Variants in RNF139 observed in about 807,000 individuals in gnomAD.
The protein encoded by RNF139 is E3 ubiquitin-protein ligase RNF139.
In RNF139, 15 loss-of-function variants were observed where a neutral mutation model predicts 49.5. The observed-to-expected ratio is 0.30, with a 90% confidence interval of 0.20 to 0.47. RNF139 has a LOEUF of 0.47. Among genes scored for constraint, RNF139 ranks in the 20% least tolerant of loss-of-function variants. The pLI, the probability that RNF139 is intolerant of heterozygous loss-of-function variation, is 1.00. For missense variants in RNF139, 619 were observed against 806.3 expected (o/e 0.77, Z 2.81); for synonymous variants, 325 against 300.9 (o/e 1.08, Z -0.83).
intron 1 of RNF139, among the ~76,000 whole-genome samples, chr8:124,480,775 G>A (rs1816394432): frequency 6.6e-6 from 1 of 152,066 alleles, no homozygotes; most frequent in Non-Finnish European, 1.5e-5. Context: ...TGATTCCCCT[G>A]GCTACCTAGC....
At chr8:124,485,753 G>A in intron 1 of RNF139, 78 bp from the exon 2 acceptor site, 1 of 1,190,160 alleles carries the variant, frequency 8.4e-7, no homozygotes, top group Non-Finnish European at 1.2e-6. Context: ...CTAATTAAAG[G>A]AAGAATATCA....
Position 124,475,272 on chromosome 8 carries a change from A to T in RNF139, c.163A>T (p.Ile55Phe). 6.2e-7 allele frequency: 1 copy of T among 1,612,998 alleles called. No individual in the cohort carries two copies. The highest frequency in any genetic ancestry group is 1.1e-5 in the South Asian group (1 of 91,012). The change falls in exon 1 of 2, where the codon ATC (isoleucine) becomes TTC (phenylalanine). Residue 55 changes from isoleucine (I) to phenylalanine (F), a missense_variant. Physicochemically the swap from Ile to Phe is conservative, Grantham distance 21. This residue lies in a region of RNF139 where 89 missense variants were observed against 77.5 expected (regional missense o/e 1.15). Transcript: ENST00000303545. ...AAGCCGGTTCTGCATCGTGCTCCAG[A>T]TCTTCCTCCGGCTCTTTGGTAAGGG... Reference protein sequence around the residue: ...SQSRFCIVLQIFLRLFGVFAS... With the variant: ...SQSRFCIVLQFFLRLFGVFAS...
In RNF139 at chr8:124,486,140, T is replaced by C; in HGVS notation, c.491T>C (p.Ile164Thr). 1.9e-6 allele frequency: 3 copies of C among 1,614,236 alleles called. No individual in the cohort carries two copies. Among genetic ancestry groups the C allele is most frequent in the Non-Finnish European group, 2.5e-6 (3 of 1,180,016 alleles). Residue 164 changes from isoleucine to threonine, a missense_variant, in exon 2 of 2, where the codon ATA becomes ACA. Coordinates refer to ENST00000303545, the MANE Select transcript of RNF139 (RefSeq NM_007218.4). ...ATTTTGGATCTCTTGGTTCCTGTAATAGGCTTAATCACAGAGCTACCATTA... is the reference window on the plus strand; with the variant it reads ...ATTTTGGATCTCTTGGTTCCTGTAACAGGCTTAATCACAGAGCTACCATTA... ...LIILDLLVPV[I>T]GLITELPLHI... is the part of the protein sequence containing the mutation.
At chr8:124,477,949 C>T (rs1280572693) in intron 1 of RNF139, among the ~76,000 whole-genome samples, 1 of 151,910 alleles carries the variant, frequency 6.6e-6, no homozygotes, top group Non-Finnish European at 1.5e-5. Context: ...TATGGCAAAG[C>T]TTAAAAAAGA....
chr8:124,488,312 T>G lies in RNF139; in HGVS notation c.*668T>G, dbSNP rs2131310085. On this transcript the variant is annotated 3_prime_UTR_variant, in exon 2 of 2. Coordinates refer to ENST00000303545, the MANE Select transcript of RNF139 (RefSeq NM_007218.4). ...TGTAAAATTGTATATTTGTTAGCCA[T>G]TCTGTGTCTGCAGTATTGTCATAAA... is the stretch of plus-strand genomic sequence containing the variant. Among the ~76,000 whole-genome samples, 1 of 152,366 alleles carries G rather than the reference T, an allele frequency of 6.6e-6. No homozygotes were observed. The highest frequency in any genetic ancestry group is 6.5e-5 in the Admixed American group (1 of 15,306).
In RNF139 at chr8:124,487,613, C is replaced by A. The variant is rs1586528406; in HGVS notation, c.1964C>A (p.Ala655Glu). Reference sequence around the variant, plus strand: ...GGAGTGATTCAGCACACAGGCGCAGCAGCTGAAGAATTTAATGATGATACT... The same window carrying A: ...GGAGTGATTCAGCACACAGGCGCAGAAGCTGAAGAATTTAATGATGATACT... ...RNGVIQHTGA[A>E]AEEFNDDTD The change falls in exon 2 of 2, where the codon GCA (alanine) becomes GAA (glutamate). Residue 655 changes from alanine (A) to glutamate (E), a missense_variant. By Grantham distance (107) the Ala-to-Glu change is moderately radical. Coordinates refer to ENST00000303545, the MANE Select transcript of RNF139 (RefSeq NM_007218.4). 1 of 1,606,774 alleles carries A rather than the reference C, an allele frequency of 6.2e-7. No individual in the cohort carries two copies. Among genetic ancestry groups the A allele is most frequent in the Non-Finnish European group, 8.5e-7 (1 of 1,175,760 alleles).
Position 124,487,060 on chromosome 8 carries a change from A to G in RNF139, c.1411A>G (p.Ile471Val). 1 of 1,614,002 alleles carries G rather than the reference A, an allele frequency of 6.2e-7. No individual in the cohort carries two copies. The highest frequency in any genetic ancestry group is 8.5e-7 in the Non-Finnish European group (1 of 1,179,976). ...CTACGTTCGTTCAACAGGCAGTATT[A>G]TTGAATTTATATTTGGAGTTGTAAT... ...VYYVRSTGSI[I>V]EFIFGVVMFG... The change falls in exon 2 of 2, where the codon ATT (isoleucine) becomes GTT (valine). Residue 471 changes from isoleucine (I) to valine (V), a missense_variant. Around this residue, in one of 2 missense-constraint regions of RNF139, gnomAD observed 530 missense variants for 728.9 expected, o/e 0.73. Transcript: ENST00000303545.
chr8:124,479,254 A>T (rs188064936), intron 1 of RNF139, among the ~76,000 whole-genome samples: 127 of 152,306 alleles, frequency 8.3e-4, no homozygotes, highest in African/African-American at 2.8e-3. Flanking sequence ...CTTTTGACTC[A>T]CAATTTCAAT....
chr8:124,477,030 A>G (rs1186632503), intron 1 of RNF139, among the ~76,000 whole-genome samples: 1 of 152,208 alleles, frequency 6.6e-6, no homozygotes, highest in East Asian at 1.9e-4. Flanking sequence ...TTTACCTTTT[A>G]AAAGATGGAG....
chr8:124,479,322 G>A (rs566036113), intron 1 of RNF139, among the ~76,000 whole-genome samples: 1 of 152,294 alleles, frequency 6.6e-6, no homozygotes, highest in Admixed American at 6.5e-5. Context: ...AGCATTACTG[G>A]AAATAACAAA....
At position 124,482,038 on chromosome 8, in the gene RNF139, ATTC is replaced by A. The variant is rs1305795262; in HGVS notation, c.182-3790_182-3788del. Among the ~76,000 whole-genome samples, 5 of 152,146 alleles carry A rather than the reference ATTC, an allele frequency of 3.3e-5. No homozygotes were observed. The East Asian group carries it at 9.6e-4, about 29-fold the overall frequency. The stretch of plus-strand genomic sequence containing the variant: ...GTAGGAATTAAAACAAACATATACT[ATTC>A]TTGAAATGTTAACTCACTATTACAT... On this transcript the variant is annotated intron_variant, in intron 1 of 1. Transcript: ENST00000303545.
At chr8:124,476,313 A>G (rs1193004769) in intron 1 of RNF139, among the ~76,000 whole-genome samples, 1 of 152,184 alleles carries the variant, frequency 6.6e-6, no homozygotes, top group African/African-American at 2.4e-5. Flanking sequence ...TTTGCAAAGC[A>G]TTTTCACTGG....
At chr8:124,476,271 A>G (rs1322443840) in intron 1 of RNF139, among the ~76,000 whole-genome samples, 1 of 152,232 alleles carries the variant, frequency 6.6e-6, no homozygotes, top group East Asian at 1.9e-4. Context: ...AGCAATAAAT[A>G]GCCATATTTT....
chr8:124,475,384 T>C lies in RNF139; in HGVS notation c.181+94T>C, dbSNP rs1272378909. On this transcript the variant is annotated intron_variant, in intron 1 of 1. Coordinates refer to ENST00000303545, the MANE Select transcript of RNF139 (RefSeq NM_007218.4). ...AGGCGCGCAGAGGCCATGGGTCGAG[T>C]ATGTGTCTTTGGGAACTACAGTTTC... The C allele has an allele frequency of 2.3e-6, 3 of 1,288,080 alleles. No homozygotes were observed. In the African/African-American group the frequency reaches 4.5e-5, roughly 19 times the overall value. The allele number at this position is 1,288,080 out of a possible 1,614,324, so 79.8% of individuals were successfully genotyped here.
intron 1 of RNF139, among the ~76,000 whole-genome samples, chr8:124,480,911 A>G (rs1816396541): frequency 6.6e-6 from 1 of 152,178 alleles, no homozygotes; most frequent in South Asian, 2.1e-4. Flanking sequence ...AAGACCAAAT[A>G]TTAATATTTT....
At position 124,480,928 on chromosome 8, in the gene RNF139, G is replaced by T. The variant is rs77185225; in HGVS notation, c.182-4903G>T. On this transcript the variant is annotated intron_variant, in intron 1 of 1. Transcript: ENST00000303545. Reference sequence around the variant, plus strand: ...GACCAAATATTAATATTTTTTTTATGATATCACAGATGGGAAAGACAAACT... The same window carrying T: ...GACCAAATATTAATATTTTTTTTATTATATCACAGATGGGAAAGACAAACT... Among the ~76,000 whole-genome samples, 675 of 152,098 alleles carry T rather than the reference G, an allele frequency of 4.4e-3. 7 individuals are homozygous for T. The highest frequency in any genetic ancestry group is 0.015 in the African/African-American group (635 of 41,490).
Position 124,475,168 on chromosome 8 carries a change from C to G in RNF139, c.59C>G (p.Ala20Gly). 1.2e-6 allele frequency: 2 copies of G among 1,613,056 alleles called. No homozygotes were observed. The highest frequency in any genetic ancestry group is 1.7e-6 in the Non-Finnish European group (2 of 1,179,854). The change falls in exon 1 of 2, where the codon GCG becomes GGG. Residue 20 changes from alanine (A) to glycine (G), a missense_variant. This residue lies in a region of RNF139 where 89 missense variants were observed against 77.5 expected (regional missense o/e 1.15). Transcript: ENST00000303545. ...CGGATGGCCCATCAGCAGGTCTGGG[C>G]GGCGCTCGAAGTGGCGCTCCGGGTG... ...QVRMAHQQVWAALEVALRVPC... is the reference protein window; with the variant it reads ...QVRMAHQQVWGALEVALRVPC...
At position 124,486,789 on chromosome 8, in the gene RNF139, C is replaced by G. The variant is rs535959046; in HGVS notation, c.1140C>G (p.Ala380=). 1.2e-6 allele frequency: 2 copies of G among 1,613,830 alleles called. No homozygotes were observed. Among genetic ancestry groups the G allele is most frequent in the Non-Finnish European group, 1.7e-6 (2 of 1,179,984 alleles). Reference sequence around the variant, plus strand: ...ACCCTGTATTAATGTCTCTCAGTGCCTCTCATGTGTCATCTTTTCGTAGAC... The same window carrying G: ...ACCCTGTATTAATGTCTCTCAGTGCGTCTCATGTGTCATCTTTTCGTAGAC... ...MTDPVLMSLS[A]SHVSSFRRHF... Residue 380 remains alanine (A), a synonymous_variant, in exon 2 of 2, where the codon GCC becomes GCG. Coordinates refer to ENST00000303545, the MANE Select transcript of RNF139 (RefSeq NM_007218.4).
At chr8:124,478,465 G>A (rs929504208) in intron 1 of RNF139, among the ~76,000 whole-genome samples, 2 of 151,648 alleles carry the variant, frequency 1.3e-5, no homozygotes, top group Admixed American at 1.3e-4. Context: ...AAAATTAGCC[G>A]GGTGCAGTGA....
Sources: gnomAD v4.1 joint callset for allele counts (sites outside exome capture counted in the v4.1 genomes callset) on GRCh38, gnomAD v4.1.1 for gene constraint, gnomAD v4.1.1 regional missense constraint, MANE v1.5 for transcripts, NCBI Gene and HGNC (gene_info 2026-07-23, HGNC 2026-07-21) for gene names.